Variants in PAQR9 observed in about 807,000 individuals in gnomAD.
The protein encoded by PAQR9 is membrane progestin receptor epsilon.
PAQR9 carries 12 observed loss-of-function variants against 24.0 expected under a neutral mutation model. The ratio of observed to expected loss-of-function variants is 0.50; its 90% confidence interval spans 0.32 to 0.81. The LOEUF is 0.81. PAQR9 is among the 30% of genes least tolerant of loss of function. PAQR9 has a pLI of 0.03. For synonymous variants in PAQR9, 266 were observed against 237.6 expected, an observed-to-expected ratio of 1.12 and a Z score of -1.10; for missense variants, 418 against 520.8, an observed-to-expected ratio of 0.80 and a Z score of 1.92.
In PAQR9 at chr3:142,963,468, G is replaced by A. The variant is rs1934957784; in HGVS notation, c.-132C>T. ...GGGCGTCGCTGCAGGTTTAGGAGAA[G>A]ACCCGTGCCTCCGAGCAGCCGCTCC... On this transcript the variant is annotated 5_prime_UTR_variant, in exon 1 of 1. Transcript: ENST00000340634. 13 of 1,041,288 alleles carry A rather than the reference G, an allele frequency of 1.2e-5. No individual in the cohort carries two copies. The South Asian group carries it at 4.6e-4, about 37-fold the overall frequency. The allele number at this position is 1,041,288 out of a possible 1,614,324, so 64.5% of individuals were successfully genotyped here.
rs1934885675 is a variant in PAQR9, at chr3:142,961,381, C to G, written c.*822G>C. Reference sequence around the variant, plus strand: ...AGTAAACAAAAATCTGGGGTCTATACAAACCACTCGAGCTCCTCACCAATA... The same window carrying G: ...AGTAAACAAAAATCTGGGGTCTATAGAAACCACTCGAGCTCCTCACCAATA... On this transcript the variant is annotated 3_prime_UTR_variant, in exon 1 of 1. Transcript: ENST00000340634. 6.6e-6 allele frequency: 1 copy of G among 152,568 alleles called. No individual in the cohort carries two copies. The highest frequency in any genetic ancestry group is 6.6e-5 in the Admixed American group (1 of 15,266). The allele number at this position is 152,568 out of a possible 1,614,324, so 9.5% of individuals were successfully genotyped here. A position where few individuals can be genotyped will look rare whatever the true frequency, so the allele number is the denominator to read the frequency against.
At chr3:142,953,557 G>A (rs1934748417), downstream of PAQR9, among the ~76,000 whole-genome samples, 1 of 152,122 alleles carries the variant, frequency 6.6e-6, no homozygotes, top group Non-Finnish European at 1.5e-5. Flanking sequence ...CACTTGGCTT[G>A]GAAAGCACTT....
downstream of PAQR9, chr3:142,952,901 G>A: frequency 2.2e-6 from 1 of 456,450 alleles, no homozygotes; most frequent in Non-Finnish European, 4.4e-6. Flanking sequence ...CCAATACAGA[G>A]CAGATGAAGG....
chr3:142,960,218 C>T lies in PAQR9; in HGVS notation c.*1985G>A, dbSNP rs777160687. 6.6e-6 allele frequency among the ~76,000 whole-genome samples: 1 copy of T among 152,104 alleles called. No homozygotes were observed. Among genetic ancestry groups the T allele is most frequent in the Non-Finnish European group, 1.5e-5 (1 of 68,010 alleles). ...TGCAAAGTAACACACACAAGGATAC[C>T]GGTTCCTCCAGGGAATTGTGCTGAG... On this transcript the variant is annotated 3_prime_UTR_variant, in exon 1 of 1. Transcript: ENST00000340634.
At position 142,962,643 on chromosome 3, in the gene PAQR9, G is replaced by T. The variant is rs1362693077; in HGVS notation, c.694C>A (p.Arg232Ser). Residue 232 changes from arginine (R) to serine (S), a missense_variant, in exon 1 of 1, where the codon CGT becomes AGT. Arg to Ser is a moderately radical substitution (Grantham distance 110, BLOSUM62 -1). Coordinates refer to ENST00000340634, the MANE Select transcript of PAQR9 (RefSeq NM_198504.4). ...AACGGGTAGGTACACCAGTCGGTAC[G>T]GCTCTTGCAGCAGGCCACAGTGCAA... ...VACTVACCKS[R>S]TDWCTYPFAL... 1 of 1,611,346 alleles carries T rather than the reference G, an allele frequency of 6.2e-7. No individual in the cohort carries two copies. The highest frequency in any genetic ancestry group is 8.5e-7 in the Non-Finnish European group (1 of 1,179,004).
chr3:142,962,333 T>C lies in PAQR9; in HGVS notation c.1004A>G (p.Gln335Arg), dbSNP rs1412672224. 1 of 1,613,916 alleles carries C rather than the reference T, an allele frequency of 6.2e-7. No homozygotes were observed. The highest frequency in any genetic ancestry group is 2.2e-5 in the East Asian group (1 of 44,862). The change falls in exon 1 of 1, where the codon CAG becomes CGG. Residue 335 changes from glutamine (Q) to arginine (R), a missense_variant. By Grantham distance (43) the Gln-to-Arg change is conservative. This residue lies in a region of PAQR9 where 230 missense variants were observed against 305.2 expected (regional missense o/e 0.75). Coordinates refer to ENST00000340634, the MANE Select transcript of PAQR9 (RefSeq NM_198504.4). The part of the protein sequence containing the change: ...QVYYVEEGLR[Q>R]FLQAPPAAPT... The stretch of plus-strand genomic sequence containing the variant: ...TGCGGCAGGCGGCGCCTGGAGGAAC[T>C]GGCGCAGGCCCTCTTCTACGTAGTA...
chr3:142,951,333 T>A (rs566705880), downstream of PAQR9, among the ~76,000 whole-genome samples: 75 of 152,348 alleles, frequency 4.9e-4, 1 homozygote, highest in African/African-American at 1.7e-3. Context: ...ATTTTCCTAG[T>A]GTTTCTTTTT....
rs1578079989 is a variant in PAQR9 at position 142,958,297 on chromosome 3, C to A, written c.*3906G>T. On this transcript the variant is annotated 3_prime_UTR_variant, in exon 1 of 1. Coordinates refer to ENST00000340634, the MANE Select transcript of PAQR9 (RefSeq NM_198504.4). ...AAGTTAGTCAATTAAGGGACTGTAT[C>A]TATATCTCTTTTTCCAATTAGTGTC... Among the ~76,000 whole-genome samples, 1 of 152,326 alleles carries A rather than the reference C, an allele frequency of 6.6e-6. No individual in the cohort carries two copies. Among genetic ancestry groups the A allele is most frequent in the Middle Eastern group, 3.4e-3 (1 of 294 alleles).
rs369193151 is a variant in PAQR9 at position 142,962,674 on chromosome 3, C to A, written c.663G>T (p.Ala221=). The A allele has an allele frequency of 2.9e-5, 47 of 1,611,816 alleles. No homozygotes were observed. The Middle Eastern group carries it at 4.9e-4, about 17-fold the overall frequency. ...TGCAGCAGGCCACAGTGCAAGCCAC[C>A]GCCAGCACGAAGGCCACAGGCAGCA... ...ALVLPVAFVL[A]VACTVACCKS... Residue 221 remains alanine (A), a synonymous_variant, in exon 1 of 1, where the codon GCG becomes GCT. Coordinates refer to ENST00000340634, the MANE Select transcript of PAQR9 (RefSeq NM_198504.4).
Position 142,963,522 on chromosome 3 carries a change from C to A in PAQR9, c.-186G>T. Reference sequence around the variant, plus strand: ...AAATTAAATAAATCAATAAGAGAATCAATTAATAGGCAGCGCTGCGACCGC... The same window carrying A: ...AAATTAAATAAATCAATAAGAGAATAAATTAATAGGCAGCGCTGCGACCGC... On this transcript the variant is annotated 5_prime_UTR_variant, in exon 1 of 1. Coordinates refer to ENST00000340634, the MANE Select transcript of PAQR9 (RefSeq NM_198504.4). The A allele has an allele frequency of 9.9e-7, 1 of 1,008,434 alleles. No individual in the cohort carries two copies. Among genetic ancestry groups the A allele is most frequent in the Admixed American group, 5.9e-5 (1 of 17,078 alleles). The allele number at this position is 1,008,434 out of a possible 1,614,324, so 62.5% of individuals were successfully genotyped here. A position where few individuals can be genotyped will look rare whatever the true frequency, so the allele number is the denominator to read the frequency against.
Position 142,957,350 on chromosome 3 carries a change from A to T in PAQR9, c.*4853T>A, listed in dbSNP as rs1224374696. On this transcript the variant is annotated 3_prime_UTR_variant, in exon 1 of 1. Transcript: ENST00000340634. ...ACTGCACAGTTGAACTTGCTGCCCC[A>T]TTCTGACTGTTTGACTCTAATCCTC... Among the ~76,000 whole-genome samples the T allele has an allele frequency of 6.6e-6, 1 of 152,210 alleles. No individual in the cohort carries two copies. The highest frequency in any genetic ancestry group is 2.4e-5 in the African/African-American group (1 of 41,456).
downstream of PAQR9, chr3:142,950,673 C>A: frequency 4.0e-6 from 1 of 250,530 alleles, no homozygotes; most frequent in Non-Finnish European, 8.4e-6. Flanking sequence ...GCAGGCAAGT[C>A]ATGGAGAATA....
Position 142,963,648 on chromosome 3 carries a change from T to C in PAQR9, c.-312A>G. ...CGGCAGCGGCGGCGGCGCGGCTGACTGCGGCGGCAGCGCGGCAGCGGTGAC... is the reference window on the plus strand; with the variant it reads ...CGGCAGCGGCGGCGGCGCGGCTGACCGCGGCGGCAGCGCGGCAGCGGTGAC... On this transcript the variant is annotated 5_prime_UTR_variant, in exon 1 of 1. Coordinates refer to ENST00000340634, the MANE Select transcript of PAQR9 (RefSeq NM_198504.4). 3 of 631,472 alleles carry C rather than the reference T, an allele frequency of 4.8e-6. No individual in the cohort carries two copies. The highest frequency in any genetic ancestry group is 5.9e-6 in the Non-Finnish European group (3 of 508,876). 39.1% of individuals were successfully genotyped at this position (631,472 alleles called of 1,614,324 possible).
At chr3:142,950,597 C>CA (rs1364401634), downstream of PAQR9, 17 of 433,812 alleles carry the variant, frequency 3.9e-5, no homozygotes, top group African/African-American at 2.0e-4. Flanking sequence ...GAAAAAGGAA[C>CA]AAAAAATAAA....
chr3:142,959,874 C>T lies in PAQR9; in HGVS notation c.*2329G>A, dbSNP rs990089597. ...CATTTTACAAAGAAACTACATAATA[C>T]GCTTCACCCTGTTTCTCTAGCTTCC... On this transcript the variant is annotated 3_prime_UTR_variant, in exon 1 of 1. Coordinates refer to ENST00000340634, the MANE Select transcript of PAQR9 (RefSeq NM_198504.4). 6.6e-6 allele frequency among the ~76,000 whole-genome samples: 1 copy of T among 152,214 alleles called. No homozygotes were observed. The highest frequency in any genetic ancestry group is 1.5e-5 in the Non-Finnish European group (1 of 68,040).
downstream of PAQR9, chr3:142,952,813 C>T (rs1349971264): frequency 2.2e-5 from 10 of 456,552 alleles, no homozygotes; most frequent in Non-Finnish European, 4.4e-5. Flanking sequence ...GCTTTTTGTT[C>T]CAATCCAATC....
In PAQR9 at chr3:142,956,873, A is replaced by C. The variant is rs1934797353; in HGVS notation, c.*5330T>G. 6.6e-6 allele frequency among the ~76,000 whole-genome samples: 1 copy of C among 152,238 alleles called. No homozygotes were observed. Among genetic ancestry groups the C allele is most frequent in the South Asian group, 2.1e-4 (1 of 4,834 alleles). ...CTAAGAAGAACTGACATCCATTTTC[A>C]CAATTAAGAAATAATTATTCACAAT... is the stretch of plus-strand genomic sequence containing the variant. On this transcript the variant is annotated 3_prime_UTR_variant, in exon 1 of 1. Transcript: ENST00000340634.
rs115893776 is a variant in PAQR9 at position 142,962,357 on chromosome 3, T to C, written c.980A>G (p.Tyr327Cys). 1.9e-6 allele frequency: 3 copies of C among 1,614,088 alleles called. No individual in the cohort carries two copies. The highest frequency in any genetic ancestry group is 1.3e-5 in the African/African-American group (1 of 75,028). ...FTFLSIYDQV[Y>C]YVEEGLRQFL... ...CTGGCGCAGGCCCTCTTCTACGTAG[T>C]ACACCTGGTCGTAGATGCTGAGGAA... The change falls in exon 1 of 1, where the codon TAC becomes TGC. Residue 327 changes from tyrosine (Y) to cysteine (C), a missense_variant. This residue lies in a region of PAQR9 where 230 missense variants were observed against 305.2 expected (regional missense o/e 0.75). Coordinates refer to ENST00000340634, the MANE Select transcript of PAQR9 (RefSeq NM_198504.4).
Position 142,959,353 on chromosome 3 carries a change from T to C in PAQR9, c.*2850A>G, listed in dbSNP as rs1288407269. On this transcript the variant is annotated 3_prime_UTR_variant, in exon 1 of 1. Coordinates refer to ENST00000340634, the MANE Select transcript of PAQR9 (RefSeq NM_198504.4). The stretch of plus-strand genomic sequence containing the variant: ...CTAAAACATCAAGAAATTTAATAAA[T>C]TCAGCAAATAAACTGTATAGTTTAA... Among the ~76,000 whole-genome samples the C allele has an allele frequency of 4.6e-5, 7 of 152,180 alleles. No homozygotes were observed. The highest frequency in any genetic ancestry group is 4.6e-4 in the Admixed American group (7 of 15,276).
Sources: allele counts gnomAD v4.1 joint callset (sites outside exome capture counted in the v4.1 genomes callset), GRCh38; gene constraint gnomAD v4.1.1; regional missense constraint gnomAD v4.1.1; transcripts MANE v1.5; gene names NCBI Gene and HGNC (gene_info 2026-07-23, HGNC 2026-07-21).